Variants in CDH7 observed in about 807,000 individuals in gnomAD.
CDH7 encodes the protein cadherin-7.
Under a neutral mutation model 71.8 loss-of-function variants are expected in CDH7, and 25 were observed. The observed-to-expected ratio is 0.35, with a 90% CI of 0.25 to 0.49. CDH7 has a LOEUF of 0.49. Ranked by LOEUF, CDH7 falls within the 20% of genes least tolerant of loss-of-function variation. CDH7 has a pLI of 0.99. For synonymous variants in CDH7, 381 were observed against 363.8 expected (o/e 1.05, Z -0.54); for missense variants, 862 against 974.6 (o/e 0.88, Z 1.54).
At chr18:65,821,145 A>G (rs62086418) in intron 4 of CDH7, among the ~76,000 whole-genome samples, 128,582 of 151,116 alleles carry the variant, frequency 0.85, 55,851 homozygotes, top group East Asian at 0.99. Flanking sequence ...AAAAAAAAAC[A>G]AGAAAAGAAA....
At chr18:65,821,138 A>ACAAG in intron 4 of CDH7, among the ~76,000 whole-genome samples, 1 of 151,398 alleles carries the variant, frequency 6.6e-6, no homozygotes, top group South Asian at 2.1e-4. Flanking sequence ...CAAACAAAAA[A>ACAAG]AAAAACAAGA....
At chr18:65,793,636 C>G (rs545307242) in intron 2 of CDH7, among the ~76,000 whole-genome samples, 1 of 152,218 alleles carries the variant, frequency 6.6e-6, no homozygotes, top group Non-Finnish European at 1.5e-5. Context: ...TCTCATCACA[C>G]TGTACTAATC....
chr18:65,787,703 C>T (rs1910566570), intron 2 of CDH7, among the ~76,000 whole-genome samples: 2 of 152,196 alleles, frequency 1.3e-5, no homozygotes, highest in Non-Finnish European at 2.9e-5. Context: ...GTCTGCTCTT[C>T]TCTCGGGTGA....
intron 5 of CDH7, 44 bp from the exon 6 acceptor site, chr18:65,824,600 T>TAA: frequency 7.8e-7 from 1 of 1,290,042 alleles, no homozygotes; most frequent in East Asian, 2.5e-5. Flanking sequence ...TTTTTATTGG[T>TAA]TAGTTTGGTG....
intron 2 of CDH7, among the ~76,000 whole-genome samples, chr18:65,793,981 T>C (rs1910812011): frequency 6.6e-6 from 1 of 152,206 alleles, no homozygotes; most frequent in South Asian, 2.1e-4. Flanking sequence ...ATTGTTGCTT[T>C]GCAAAGCCTG....
At chr18:65,785,236 C>CAT (rs60676977) in intron 2 of CDH7, among the ~76,000 whole-genome samples, 13,525 of 150,102 alleles carry the variant, frequency 0.09, 1,608 homozygotes, top group African/African-American at 0.28. Flanking sequence ...TAATATATGT[C>CAT]ATATATATAT....
At chr18:65,805,315 G>A (rs1041782500) in intron 2 of CDH7, among the ~76,000 whole-genome samples, 5 of 152,164 alleles carry the variant, frequency 3.3e-5, no homozygotes, top group African/African-American at 4.8e-5. Flanking sequence ...GGGTGTGTTG[G>A]GAAGCATGGA....
At chr18:65,840,402 C>CT (rs35021972) in intron 6 of CDH7, among the ~76,000 whole-genome samples, 98,015 of 149,662 alleles carry the variant, frequency 0.65, 32,678 homozygotes, top group East Asian at 0.96. Context: ...AGAAGCAGCG[C>CT]TTTTTTTTTT....
At chr18:65,856,062 G>T (rs1913344513) in intron 7 of CDH7, among the ~76,000 whole-genome samples, 1 of 152,076 alleles carries the variant, frequency 6.6e-6, no homozygotes, top group South Asian at 2.1e-4. Flanking sequence ...GTTGTGGAGA[G>T]GAGTCCATTT....
At position 65,798,710 on chromosome 18, in the gene CDH7, G is replaced by A. The variant is rs75481764; in HGVS notation, c.211-10994G>A. 1.0e-4 allele frequency among the ~76,000 whole-genome samples: 15 copies of A among 149,534 alleles called. No individual in the cohort carries two copies. The East Asian group carries it at 1.9e-3, about 19-fold the overall frequency. On this transcript the variant is annotated intron_variant, in intron 2 of 11. Coordinates refer to ENST00000397968, the MANE Select transcript of CDH7 (RefSeq NM_004361.5). ...TAGTTGTCTTGAGCTAAAGGGAAAAGGAGGAGCTTTAAAGGCTCACAGCAG... is the reference window on the plus strand; with the variant it reads ...TAGTTGTCTTGAGCTAAAGGGAAAAAGAGGAGCTTTAAAGGCTCACAGCAG...
At chr18:65,824,597 T>G (rs1912055943) in intron 5 of CDH7, 47 bp from the exon 6 acceptor site, 2 of 1,233,722 alleles carry the variant, frequency 1.6e-6, no homozygotes, top group Non-Finnish European at 2.2e-6. Context: ...AAATTTTTAT[T>G]GGTTAGTTTG....
intron 2 of CDH7, among the ~76,000 whole-genome samples, chr18:65,772,852 C>A (rs902946183): frequency 6.6e-6 from 1 of 152,084 alleles, no homozygotes; most frequent in Non-Finnish European, 1.5e-5. Flanking sequence ...GGGTTAGGGT[C>A]AGAGGAGGAA....
intron 2 of CDH7, among the ~76,000 whole-genome samples, chr18:65,792,391 A>C (rs1199792751): frequency 1.3e-5 from 2 of 152,096 alleles, no homozygotes; most frequent in Non-Finnish European, 2.9e-5. Flanking sequence ...TAAACCTTGA[A>C]AAGGTTCCCG....
At chr18:65,819,220 A>G (rs1382575328) in intron 4 of CDH7, among the ~76,000 whole-genome samples, 1 of 152,140 alleles carries the variant, frequency 6.6e-6, no homozygotes, top group East Asian at 1.9e-4. Context: ...AGAAATTTCA[A>G]AATAATCTAC....
At chr18:65,854,940 C>CAT (rs1341616527) in intron 7 of CDH7, among the ~76,000 whole-genome samples, 3 of 61,964 alleles carry the variant, frequency 4.8e-5, no homozygotes, top group African/African-American at 7.3e-5. Flanking sequence ...TATACACACA[C>CAT]ATATATATAC....
At position 65,825,604 on chromosome 18, in the gene CDH7, A is replaced by G. The variant is rs150003699; in HGVS notation, c.981+773A>G. Among the ~76,000 whole-genome samples, 5 of 152,012 alleles carry G rather than the reference A, an allele frequency of 3.3e-5. No individual in the cohort carries two copies. The East Asian group carries it at 9.7e-4, about 29-fold the overall frequency. The stretch of plus-strand genomic sequence containing the variant: ...TATTTGAAACATTAAAAATATATCA[A>G]TATCTTGACCCCTAAGATACGAAAT... On this transcript the variant is annotated intron_variant, in intron 6 of 11. Coordinates refer to ENST00000397968, the MANE Select transcript of CDH7 (RefSeq NM_004361.5).
chr18:65,871,652 A>T (rs1913931052), intron 11 of CDH7, among the ~76,000 whole-genome samples: 1 of 152,202 alleles, frequency 6.6e-6, no homozygotes, highest in Non-Finnish European at 1.5e-5. Flanking sequence ...AAAAGAGCAC[A>T]CAATAGGAAA....
intron 2 of CDH7, among the ~76,000 whole-genome samples, chr18:65,774,503 T>C (rs1916639442): frequency 6.6e-6 from 1 of 152,026 alleles, no homozygotes; most frequent in Admixed American, 6.6e-5. Flanking sequence ...TCAAATGCTC[T>C]CTCCTCCAAG....
At chr18:65,845,424 A>G (rs1461308611) in intron 7 of CDH7, among the ~76,000 whole-genome samples, 2 of 152,040 alleles carry the variant, frequency 1.3e-5, no homozygotes, top group African/African-American at 2.4e-5. Flanking sequence ...AATATAGCAG[A>G]TAGAATAAGC....
Sources: gnomAD v4.1 joint callset for allele counts (sites outside exome capture counted in the v4.1 genomes callset) on GRCh38, gnomAD v4.1.1 for gene constraint, MANE v1.5 for transcripts, NCBI Gene and HGNC (gene_info 2026-07-23, HGNC 2026-07-21) for gene names.